The following OLR1 variants were observed in gnomAD, a reference collection of about 807,000 sequenced individuals.
OLR1 encodes oxidized low-density lipoprotein receptor 1.
OLR1 carries 23 observed loss-of-function variants against 31.7 expected under a neutral mutation model. The ratio of observed to expected loss-of-function variants is 0.72; its 90% CI spans 0.52 to 1.03. The LOEUF is 1.03. OLR1 is among the 50% of genes least tolerant of loss of function. OLR1 has a pLI of 0.00. For synonymous variants in OLR1, 117 were observed against 115.8 expected (o/e 1.01, Z -0.07); for missense variants, 286 against 315.7 (o/e 0.91, Z 0.71).
rs918248595 is a variant in OLR1 at position 10,158,869 on chromosome 12, G to T, written c.*1011C>A. The T allele has an allele frequency of 6.6e-6, 1 of 151,844 alleles. No homozygotes were observed. Among genetic ancestry groups the T allele is most frequent in the African/African-American group, 2.4e-5 (1 of 41,378 alleles). The allele number at this position is 151,844 out of a possible 1,614,324, so 9.4% of individuals were successfully genotyped here. ...GGCTTCCTTTAAAGTAGAATAGCCT[G>T]TGAAGAGTGGGTGGAAAGGAAATAG... On this transcript the variant is annotated 3_prime_UTR_variant, in exon 6 of 6. Coordinates refer to ENST00000309539, the MANE Select transcript of OLR1 (RefSeq NM_002543.4).
intron 3 of OLR1, among the ~76,000 whole-genome samples, chr12:10,164,347 T>C (rs1190098454): frequency 3.3e-5 from 5 of 152,242 alleles, no homozygotes; most frequent in African/African-American, 1.2e-4. Flanking sequence ...AAAAATTATT[T>C]TGTTCAAAAA....
In OLR1 at chr12:10,159,998, GA is replaced by G. The variant is rs2137500781; in HGVS notation, c.703del (p.Ser235ProfsTer24). The G allele has an allele frequency of 6.2e-7, 1 of 1,612,684 alleles. No individual in the cohort carries two copies. The highest frequency in any genetic ancestry group is 8.5e-7 in the Non-Finnish European group (1 of 1,179,200). ...ACAGGTACCTGAAGGGTATGTCTGG[GA>G]GACAGCGCCTCGGACTCTAAATCTG... The part of the protein sequence containing the change: ...PHLFRVRGAV[S>X]QTYPSGTCAY... On this transcript the variant is annotated frameshift_variant, in exon 6 of 6. Transcript: ENST00000309539. LOFTEE classifies it low-confidence loss of function (END_TRUNC).
At position 10,159,677 on chromosome 12, in the gene OLR1, T is replaced by G. The variant is rs1591978534; in HGVS notation, c.*203A>C. Reference sequence around the variant, plus strand: ...GCAGGGAAGCTTGGGACAAGCTAGGTGAAATAATACAGGTAGCTAGAATCA... The same window carrying G: ...GCAGGGAAGCTTGGGACAAGCTAGGGGAAATAATACAGGTAGCTAGAATCA... On this transcript the variant is annotated 3_prime_UTR_variant, in exon 6 of 6. Transcript: ENST00000309539. 2.2e-6 allele frequency: 1 copy of G among 453,496 alleles called. No homozygotes were observed. 28.1% of individuals were successfully genotyped at this position (453,496 alleles called of 1,614,324 possible). A position where few individuals can be genotyped will look rare whatever the true frequency, so the allele number is the denominator to read the frequency against.
chr12:10,174,698 G>A (rs1014758722), upstream of OLR1, among the ~76,000 whole-genome samples: 4 of 152,114 alleles, frequency 2.6e-5, no homozygotes, highest in African/African-American at 9.7e-5. Flanking sequence ...TGTACACAGC[G>A]TATTGATCCT....
rs1367116272 is a variant in OLR1 at position 10,159,518 on chromosome 12, T to C, written c.*362A>G. On this transcript the variant is annotated 3_prime_UTR_variant, in exon 6 of 6. Coordinates refer to ENST00000309539, the MANE Select transcript of OLR1 (RefSeq NM_002543.4). ...CCTGCACTTGAGCAAGTTCTCCATG[T>C]TCTGTCTTTCATGCAATTTTAGGAG... 6.0e-6 allele frequency: 1 copy of C among 165,744 alleles called. No individual in the cohort carries two copies. The highest frequency in any genetic ancestry group is 2.4e-5 in the African/African-American group (1 of 41,984). The allele number at this position is 165,744 out of a possible 1,614,324, so 10.3% of individuals were successfully genotyped here.
intron 3 of OLR1, among the ~76,000 whole-genome samples, chr12:10,165,776 A>AG (rs1468980915): frequency 1.3e-5 from 2 of 152,140 alleles, no homozygotes; most frequent in Non-Finnish European, 2.9e-5. Context: ...ATAAAAAAAA[A>AG]GAAAGAAAAA....
intron 3 of OLR1, among the ~76,000 whole-genome samples, chr12:10,165,521 T>C (rs1458184867): frequency 6.6e-6 from 1 of 152,058 alleles, no homozygotes; most frequent in African/African-American, 2.4e-5. Context: ...GGGTAGACAG[T>C]TGCAAGGACA....
upstream of OLR1, chr12:10,175,250 TCTC>T (rs1312971352): frequency 1.3e-5 from 2 of 152,190 alleles, no homozygotes; most frequent in Non-Finnish European, 2.9e-5. Context: ...TCACTCTCCC[TCTC>T]CTATTTCCAT....
At chr12:10,167,278 C>G (rs1948670864) in intron 2 of OLR1, 3 of 235,544 alleles carry the variant, frequency 1.3e-5, no homozygotes, top group South Asian at 1.1e-4. Flanking sequence ...GAGATAGAGA[C>G]CATCCTGGCC....
chr12:10,162,078 T>C (rs1948625613), intron 3 of OLR1, among the ~76,000 whole-genome samples: 1 of 151,626 alleles, frequency 6.6e-6, no homozygotes, highest in Non-Finnish European at 1.5e-5. Flanking sequence ...TCACAGGGAG[T>C]CCACCAAACC....
At chr12:10,169,035 C>T (rs1223015650) in intron 2 of OLR1, 39 bp downstream of exon 2, 5 of 1,418,852 alleles carry the variant, frequency 3.5e-6, no homozygotes, top group Non-Finnish European at 4.9e-6. Context: ...TCCAACACCC[C>T]TGCCCCAATA....
At chr12:10,165,340 G>T (rs969677514) in intron 3 of OLR1, among the ~76,000 whole-genome samples, 1 of 151,794 alleles carries the variant, frequency 6.6e-6, no homozygotes, top group African/African-American at 2.4e-5. Context: ...TGAGACATGA[G>T]AATTGCTTGA....
In OLR1 at chr12:10,160,661, TC is replaced by T; in HGVS notation, c.564+124del. On this transcript the variant is annotated intron_variant, in intron 4 of 5. Coordinates refer to ENST00000309539, the MANE Select transcript of OLR1 (RefSeq NM_002543.4). ...CCAAGGTCATACACAAAATTGGTGA[TC>T]AGACTAAGCTAAAAAAACAGACATT... 3.9e-6 allele frequency: 5 copies of T among 1,273,386 alleles called. No individual in the cohort carries two copies. In the African/African-American group the frequency reaches 7.4e-5, roughly 19 times the overall value. The allele number at this position is 1,273,386 out of a possible 1,614,324, so 78.9% of individuals were successfully genotyped here.
intron 1 of OLR1, among the ~76,000 whole-genome samples, chr12:10,171,311 A>G (rs1456408133): frequency 6.6e-6 from 1 of 152,202 alleles, no homozygotes; most frequent in Non-Finnish European, 1.5e-5. Flanking sequence ...CAGAACAGAT[A>G]TAGAATAAAA....
intron 3 of OLR1, among the ~76,000 whole-genome samples, chr12:10,161,415 A>G (rs1053715229): frequency 1.9e-4 from 29 of 152,240 alleles, no homozygotes; most frequent in Admixed American, 1.2e-3. Context: ...CCATTCTGCT[A>G]TTTTTAAAAA....
At chr12:10,168,823 C>T (rs368009540) in intron 2 of OLR1, among the ~76,000 whole-genome samples, 3 of 151,908 alleles carry the variant, frequency 2.0e-5, no homozygotes, top group South Asian at 4.1e-4. Flanking sequence ...ACAAAAGAAA[C>T]AAAACAAAAC....
At position 10,159,307 on chromosome 12, in the gene OLR1, G is replaced by GTC. The variant is rs1481460915; in HGVS notation, c.*572_*573insGA. On this transcript the variant is annotated 3_prime_UTR_variant, in exon 6 of 6. Coordinates refer to ENST00000309539, the MANE Select transcript of OLR1 (RefSeq NM_002543.4). ...CCAAAATGTGTGTGTGTGTGTGTGTGTGTGTCTGTCTGTCTGTCTGTCCGT... is the reference window on the plus strand; with the variant it reads ...CCAAAATGTGTGTGTGTGTGTGTGTGTCTGTGTCTGTCTGTCTGTCTGTCCGT... The GTC allele has an allele frequency of 8.1e-6, 1 of 123,974 alleles. No homozygotes were observed. Among genetic ancestry groups the GTC allele is most frequent in the Non-Finnish European group, 1.9e-5 (1 of 52,062 alleles). The allele number at this position is 123,974 out of a possible 1,614,324, so 7.7% of individuals were successfully genotyped here.
upstream of OLR1, among the ~76,000 whole-genome samples, chr12:10,173,839 G>A (rs964912061): frequency 2.0e-5 from 3 of 151,110 alleles, no homozygotes; most frequent in Admixed American, 2.0e-4. Context: ...CATTTCTACA[G>A]TGACTCAGTT....
intron 3 of OLR1, among the ~76,000 whole-genome samples, chr12:10,164,167 T>C (rs991350269): frequency 1.3e-4 from 20 of 152,258 alleles, no homozygotes; most frequent in Non-Finnish European, 2.9e-5. Context: ...AATTCTCTTC[T>C]GGCCTTGCCT....
Sources: allele counts gnomAD v4.1 joint callset (sites outside exome capture counted in the v4.1 genomes callset), GRCh38; gene constraint gnomAD v4.1.1; transcripts MANE v1.5; gene names NCBI Gene and HGNC (gene_info 2026-07-23, HGNC 2026-07-21).